The following USP13 variants were observed in gnomAD, a reference collection of about 807,000 sequenced individuals.
USP13 encodes ubiquitin specific peptidase 13, also known as ubiquitin carboxyl-terminal hydrolase 13.
Under a neutral mutation model 107.8 loss-of-function variants are expected in USP13, and 68 were observed. The observed-to-expected ratio is 0.63, with a 90% CI of 0.52 to 0.77. USP13 has a LOEUF of 0.77. Ranked by LOEUF, USP13 falls within the 30% of genes least tolerant of loss-of-function variation. The pLI is 0.00. For synonymous variants in USP13, 377 were observed against 389.5 expected, an observed-to-expected ratio of 0.97 and a Z score of 0.38; for missense variants, 945 against 1,093.3, an observed-to-expected ratio of 0.86 and a Z score of 1.91.
intron 1 of USP13, among the ~76,000 whole-genome samples, chr3:179,658,724 G>A (rs909082662): frequency 6.6e-6 from 1 of 152,086 alleles, no homozygotes; most frequent in African/African-American, 2.4e-5. Flanking sequence ...AGATGGAGCT[G>A]GGGAGAGTAC....
chr3:179,775,431 C>G (rs148464504), intron 19 of USP13, among the ~76,000 whole-genome samples: 1 of 152,268 alleles, frequency 6.6e-6, no homozygotes, highest in Non-Finnish European at 1.5e-5. Flanking sequence ...AGTCCCCACC[C>G]GACTCAGGAG....
chr3:179,691,927 C>T (rs1005273444), intron 3 of USP13, among the ~76,000 whole-genome samples: 1 of 152,138 alleles, frequency 6.6e-6, no homozygotes, highest in Non-Finnish European at 1.5e-5. Flanking sequence ...AGTTTATGTG[C>T]CTAAATGCCT....
intron 4 of USP13, among the ~76,000 whole-genome samples, chr3:179,701,420 C>T (rs1440469569): frequency 6.6e-6 from 1 of 152,152 alleles, no homozygotes; most frequent in Non-Finnish European, 1.5e-5. Flanking sequence ...CTTCTTGCCT[C>T]CTAAATCACA....
intron 13 of USP13, among the ~76,000 whole-genome samples, chr3:179,750,302 GTGTATATATATA>G (rs1177236729): frequency 9.0e-6 from 1 of 111,050 alleles, no homozygotes; most frequent in Non-Finnish European, 1.9e-5. Context: ...ATATATGTGT[GTGTATATATATA>G]TATATATGTG....
intron 16 of USP13, among the ~76,000 whole-genome samples, chr3:179,758,544 G>C (rs1297950971): frequency 6.6e-6 from 1 of 151,672 alleles, no homozygotes; most frequent in Non-Finnish European, 1.5e-5. Flanking sequence ...TATCACCCAG[G>C]CTGGAGTGCA....
chr3:179,675,047 C>T (rs895397674), intron 1 of USP13, among the ~76,000 whole-genome samples: 2 of 151,882 alleles, frequency 1.3e-5, no homozygotes, highest in Non-Finnish European at 2.9e-5. Context: ...TGGTGGCGGG[C>T]GCCTGTAGTC....
chr3:179,736,782 T>C (rs1051568564), intron 10 of USP13, among the ~76,000 whole-genome samples: 23 of 152,212 alleles, frequency 1.5e-4, no homozygotes, highest in Non-Finnish European at 2.4e-4. Flanking sequence ...AAACTTCTCC[T>C]TCTGGTTGTA....
chr3:179,742,249 A>G lies in USP13; in HGVS notation c.1433A>G (p.Glu478Gly), dbSNP rs776945311. Residue 478 changes from glutamate (E) to glycine (G), a missense_variant, in exon 12 of 21, where the codon GAA becomes GGA. Glu to Gly is a moderately conservative substitution (Grantham distance 98). Coordinates refer to ENST00000263966, the MANE Select transcript of USP13 (RefSeq NM_003940.3). This position sits in a 1 kb window ranked among gnomAD's most constrained non-coding sequence, Gnocchi z 5.0. ...NPSDVFRFLV[E>G]ERIQCCQTRK... ...AGCGATGTTTTTCGTTTTTTGGTGG[A>G]AGAACGCATTCAGTGCTGTCAGACC... 3 of 1,614,230 alleles carry G rather than the reference A, an allele frequency of 1.9e-6. No individual in the cohort carries two copies. The highest frequency in any genetic ancestry group is 2.5e-6 in the Non-Finnish European group (3 of 1,180,044).
chr3:179,786,192 C>T lies in USP13; in HGVS notation c.*2051C>T, dbSNP rs1321584954. On this transcript the variant is annotated 3_prime_UTR_variant, in exon 21 of 21. Coordinates refer to ENST00000263966, the MANE Select transcript of USP13 (RefSeq NM_003940.3). ...GACATCCCCACAGTAAGCAGCCTTA[C>T]AAAATCCAGTCCCCTTAGGGCAGAG... 1 of 152,142 alleles carries T rather than the reference C, an allele frequency of 6.6e-6. No individual in the cohort carries two copies. The allele number at this position is 152,142 out of a possible 1,614,324, so 9.4% of individuals were successfully genotyped here.
At chr3:179,738,276 G>A (rs1046309260) in intron 10 of USP13, among the ~76,000 whole-genome samples, 1 of 152,180 alleles carries the variant, frequency 6.6e-6, no homozygotes, top group Non-Finnish European at 1.5e-5. Flanking sequence ...AAAGTGGGTG[G>A]GTAGCAGCTA....
intron 19 of USP13, among the ~76,000 whole-genome samples, chr3:179,780,916 C>T (rs572142208): frequency 6.6e-6 from 1 of 151,868 alleles, no homozygotes; most frequent in Non-Finnish European, 1.5e-5. Context: ...ATTTTACTCT[C>T]ATTTACTCTA....
In USP13 at chr3:179,680,173, A is replaced by AAACAACAACAACAAC. The variant is rs56274945; in HGVS notation, c.169-1690_169-1676dup. On this transcript the variant is annotated intron_variant, in intron 1 of 20. Coordinates refer to ENST00000263966, the MANE Select transcript of USP13 (RefSeq NM_003940.3). ...GGGGAACAGAGTGAGACGCTGTTGAAAACAACAACAACAACAACAACAACA... is the reference window on the plus strand; with the variant it reads ...GGGGAACAGAGTGAGACGCTGTTGAAAACAACAACAACAACAACAACAACAACAACAACAACAACA... 1.1e-3 allele frequency among the ~76,000 whole-genome samples: 164 copies of AAACAACAACAACAAC among 150,302 alleles called. 1 individual carries two copies. Among genetic ancestry groups the AAACAACAACAACAAC allele is most frequent in the East Asian group, 4.7e-3 (24 of 5,080 alleles).
chr3:179,709,616 T>G (rs1015089934), intron 6 of USP13, among the ~76,000 whole-genome samples: 1 of 152,196 alleles, frequency 6.6e-6, no homozygotes, highest in African/African-American at 2.4e-5. Flanking sequence ...AGTTAATACC[T>G]TCTACCATTT....
rs933427875 is a variant in USP13, at chr3:179,678,404, A to G, written c.169-3474A>G. ...GAAGGACTTTTCTAATTTTATTTAA[A>G]TGATTTCAGGTAAAGGCAGAAAAGT... On this transcript the variant is annotated intron_variant, in intron 1 of 20. Transcript: ENST00000263966. The surrounding 1 kb of genome is among the most constrained non-coding windows in gnomAD (Gnocchi z 4.2). 6.6e-6 allele frequency among the ~76,000 whole-genome samples: 1 copy of G among 152,138 alleles called. No individual in the cohort carries two copies. Among genetic ancestry groups the G allele is most frequent in the East Asian group, 1.9e-4 (1 of 5,186 alleles).
chr3:179,753,182 G>A (rs1173018753), intron 14 of USP13, among the ~76,000 whole-genome samples: 3 of 152,144 alleles, frequency 2.0e-5, no homozygotes, highest in Non-Finnish European at 4.4e-5. Flanking sequence ...TCAATCTTAC[G>A]CTGGTTAACT....
At chr3:179,750,286 AAATATATATATGTGTGTGTAT>A (rs1576975723) in intron 13 of USP13, among the ~76,000 whole-genome samples, 1 of 142,156 alleles carries the variant, frequency 7.0e-6, no homozygotes, top group African/African-American at 2.6e-5. Flanking sequence ...TAATAATAAT[AAATATATATATGTGTGTGTAT>A]ATATATATAT....
At chr3:179,727,918 T>TG (rs1179143509) in intron 8 of USP13, among the ~76,000 whole-genome samples, 3 of 33,356 alleles carry the variant, frequency 9.0e-5, no homozygotes, top group Non-Finnish European at 1.3e-4. Context: ...GCTGGCCAGG[T>TG]GGGGGGCTGA....
chr3:179,682,633 C>T (rs1408353326), intron 2 of USP13, among the ~76,000 whole-genome samples: 3 of 152,080 alleles, frequency 2.0e-5, no homozygotes, highest in African/African-American at 7.2e-5. Context: ...CTGTCCATGT[C>T]GAGATACATC....
At chr3:179,777,748 G>A (rs1715598673) in intron 19 of USP13, among the ~76,000 whole-genome samples, 2 of 152,096 alleles carry the variant, frequency 1.3e-5, no homozygotes, top group South Asian at 4.1e-4. Flanking sequence ...ACCATGCCTG[G>A]CCTGTATCCT....
Sources: allele counts gnomAD v4.1 joint callset (sites outside exome capture counted in the v4.1 genomes callset), GRCh38; gene constraint gnomAD v4.1.1; non-coding constraint Gnocchi (gnomAD v3.1); transcripts MANE v1.5; gene names NCBI Gene and HGNC (gene_info 2026-07-23, HGNC 2026-07-21).